Variants in FDX1 observed in about 807,000 individuals in gnomAD.
The protein encoded by FDX1 is ferredoxin 1.
FDX1 carries 9 observed loss-of-function variants against 14.9 expected under a neutral mutation model. The ratio of observed to expected loss-of-function variants is 0.60; its 90% CI spans 0.36 to 1.05. FDX1 has a LOEUF of 1.05. FDX1 is among the 50% of genes least tolerant of loss of function. FDX1 has a pLI of 0.01. For synonymous variants in FDX1, 92 were observed against 99.4 expected (o/e 0.93, Z 0.44); for missense variants, 204 against 237.2 (o/e 0.86, Z 0.92).
In FDX1 at chr11:110,463,371, A is replaced by G. The variant is rs895015995; in HGVS notation, c.*903A>G. 1.3e-5 allele frequency: 2 copies of G among 152,272 alleles called. No homozygotes were observed. The highest frequency in any genetic ancestry group is 4.8e-5 in the African/African-American group (2 of 41,478). The allele number at this position is 152,272 out of a possible 1,614,324, so 9.4% of individuals were successfully genotyped here. A position where few individuals can be genotyped will look rare whatever the true frequency, so the allele number is the denominator to read the frequency against. On this transcript the variant is annotated 3_prime_UTR_variant, in exon 4 of 4. Transcript: ENST00000260270. ...GCAAGGATGGGGCTGCAGGGTGAGC[A>G]GCGTGGGCTGCAGTGTGTCAGTCCC...
intron 2 of FDX1, among the ~76,000 whole-genome samples, chr11:110,448,891 A>G (rs1946469277): frequency 6.6e-6 from 1 of 152,318 alleles, no homozygotes; most frequent in South Asian, 2.1e-4. Flanking sequence ...TACTGCAGCT[A>G]AAGATGGACC....
At chr11:110,447,273 C>CAAAAAAAAA (rs541827807) in intron 2 of FDX1, among the ~76,000 whole-genome samples, 31 of 75,718 alleles carry the variant, frequency 4.1e-4, no homozygotes, top group South Asian at 9.8e-4. Flanking sequence ...ACTAAAAATA[C>CAAAAAAAAA]AAAAAAAAAA....
At chr11:110,462,329 C>A in intron 3 of FDX1, 25 bp from the exon 4 acceptor site, 2 of 1,356,776 alleles carry the variant, frequency 1.5e-6, no homozygotes, top group South Asian at 2.4e-5. Context: ...AATACTAAAC[C>A]ATACCTTCCC....
At chr11:110,430,427 G>A in intron 1 of FDX1, 122 bp downstream of exon 1, 1 of 618,218 alleles carries the variant, frequency 1.6e-6, no homozygotes, top group Non-Finnish European at 2.2e-6. Flanking sequence ...CACCCCGGAG[G>A]CCTGCCTCTC....
At chr11:110,432,749 G>C (rs768760533) in intron 1 of FDX1, among the ~76,000 whole-genome samples, 25 of 152,298 alleles carry the variant, frequency 1.6e-4, no homozygotes, top group Middle Eastern at 3.4e-3. Context: ...GATTACAGGC[G>C]TGAGTGACCA....
intron 2 of FDX1, among the ~76,000 whole-genome samples, chr11:110,445,679 C>A (rs1299689504): frequency 6.6e-6 from 1 of 152,164 alleles, no homozygotes; most frequent in African/African-American, 2.4e-5. Context: ...GGGCTTCTTT[C>A]CCAGCTGTAT....
intron 2 of FDX1, among the ~76,000 whole-genome samples, chr11:110,443,804 A>G (rs7947176): frequency 0.31 from 46,074 of 150,808 alleles, 7,233 homozygotes; most frequent in East Asian, 0.39. Flanking sequence ...TTTGATTTGC[A>G]TTTCTCTGAT....
At chr11:110,446,388 C>A (rs1946450212) in intron 2 of FDX1, among the ~76,000 whole-genome samples, 1 of 152,202 alleles carries the variant, frequency 6.6e-6, no homozygotes, top group Admixed American at 6.5e-5. Flanking sequence ...TTTACAGTTT[C>A]TCCCTGGGTG....
intron 2 of FDX1, among the ~76,000 whole-genome samples, chr11:110,449,918 G>A (rs1418167750): frequency 6.6e-6 from 1 of 152,214 alleles, no homozygotes; most frequent in Non-Finnish European, 1.5e-5. Flanking sequence ...ATGAGCCACT[G>A]TGCTCGGCCT....
chr11:110,442,193 C>G (rs985474460), intron 2 of FDX1, among the ~76,000 whole-genome samples: 10 of 152,344 alleles, frequency 6.6e-5, no homozygotes, highest in African/African-American at 2.4e-4. Flanking sequence ...TGGAGAACTT[C>G]TGCTAGGGCA....
At chr11:110,450,576 G>A (rs1160727461) in intron 2 of FDX1, among the ~76,000 whole-genome samples, 2 of 152,114 alleles carry the variant, frequency 1.3e-5, no homozygotes, top group African/African-American at 4.8e-5. Flanking sequence ...TTTGAAAGGT[G>A]GACATAGTAA....
At chr11:110,455,976 G>A (rs1040616548) in intron 2 of FDX1, among the ~76,000 whole-genome samples, 2 of 152,142 alleles carry the variant, frequency 1.3e-5, no homozygotes, top group Non-Finnish European at 2.9e-5. Flanking sequence ...GAGCAGATTC[G>A]TCCTGGTTTA....
chr11:110,430,358 T>C (rs1199724979), intron 1 of FDX1, 53 bp downstream of exon 1: 8 of 1,123,296 alleles, frequency 7.1e-6, no homozygotes, highest in African/African-American at 3.3e-5. Flanking sequence ...CCCCGGTGGG[T>C]GGCGCCTGGC....
chr11:110,456,509 CTTTTTTTTT>C (rs11463993), intron 2 of FDX1, among the ~76,000 whole-genome samples: 3 of 83,804 alleles, frequency 3.6e-5, no homozygotes, highest in African/African-American at 1.5e-4. Flanking sequence ...TTTATGTATT[CTTTTTTTTT>C]TTTTTTTTTT....
At chr11:110,458,142 T>C (rs10891118) in intron 3 of FDX1, among the ~76,000 whole-genome samples, 21,789 of 152,234 alleles carry the variant, frequency 0.14, 1,713 homozygotes, top group East Asian at 0.25. Context: ...AAATCATAGC[T>C]AACTGCTTGC....
chr11:110,437,580 G>A (rs1176880555), intron 2 of FDX1, among the ~76,000 whole-genome samples: 2 of 152,180 alleles, frequency 1.3e-5, no homozygotes, highest in Middle Eastern at 3.4e-3. Context: ...ACATTTTTCC[G>A]TATGTTTGTT....
Position 110,451,939 on chromosome 11 carries a change from T to C in FDX1, c.311-4979T>C, listed in dbSNP as rs1205742128. Reference sequence around the variant, plus strand: ...GTTTCCACCTCTTGGCAATGGCCAATTGGTTTTTGACAAAGGTGCAAAGCA... The same window carrying C: ...GTTTCCACCTCTTGGCAATGGCCAACTGGTTTTTGACAAAGGTGCAAAGCA... On this transcript the variant is annotated intron_variant, in intron 2 of 3. Coordinates refer to ENST00000260270, the MANE Select transcript of FDX1 (RefSeq NM_004109.5). 2.6e-5 allele frequency among the ~76,000 whole-genome samples: 4 copies of C among 152,348 alleles called. No individual in the cohort carries two copies. The East Asian group carries it at 5.8e-4, about 22-fold the overall frequency.
At chr11:110,441,438 A>G (rs550688765) in intron 2 of FDX1, among the ~76,000 whole-genome samples, 2 of 152,302 alleles carry the variant, frequency 1.3e-5, no homozygotes, top group South Asian at 4.2e-4. Flanking sequence ...CGATATGGAC[A>G]ATGAAATTCA....
chr11:110,461,947 C>T (rs1946559338), intron 3 of FDX1, among the ~76,000 whole-genome samples: 1 of 152,176 alleles, frequency 6.6e-6, no homozygotes, highest in Non-Finnish European at 1.5e-5. Context: ...AAAAGTGTAG[C>T]TTTCTTTTAT....
Sources: gnomAD v4.1 joint callset for allele counts (sites outside exome capture counted in the v4.1 genomes callset) on GRCh38, gnomAD v4.1.1 for gene constraint, MANE v1.5 for transcripts, NCBI Gene and HGNC (gene_info 2026-07-23, HGNC 2026-07-21) for gene names.